The following NAA35 variants were observed in gnomAD, a reference collection of about 807,000 sequenced individuals.
NAA35 encodes the protein MAK10 homolog, amino-acid N-acetyltransferase subunit.
NAA35 carries 18 observed loss-of-function variants against 101.7 expected under a neutral mutation model. The ratio of observed to expected loss-of-function variants is 0.18; its 90% confidence interval spans 0.12 to 0.26. The LOEUF (loss-of-function observed/expected upper bound fraction) is 0.26. Among genes scored for constraint, NAA35 ranks in the 10% least tolerant of loss-of-function variants. The pLI is 1.00. For missense variants in NAA35, 601 were observed against 886.8 expected, an observed-to-expected ratio of 0.68 and a Z score of 4.09; for synonymous variants, 267 against 273.1, an observed-to-expected ratio of 0.98 and a Z score of 0.22.
At chr9:85,994,390 A>G (rs1318177316) in intron 11 of NAA35, among the ~76,000 whole-genome samples, 1 of 152,136 alleles carries the variant, frequency 6.6e-6, no homozygotes, top group Non-Finnish European at 1.5e-5. Flanking sequence ...CATACAAGTG[A>G]TATTATGCAA....
At chr9:85,996,207 A>G (rs1011768842) in intron 11 of NAA35, among the ~76,000 whole-genome samples, 192 bp from the exon 12 acceptor site, 1 of 152,176 alleles carries the variant, frequency 6.6e-6, no homozygotes, top group Non-Finnish European at 1.5e-5. Context: ...AGGTTATTAA[A>G]TCTACTTGTT....
chr9:85,978,396 T>A lies in NAA35; in HGVS notation c.877+15T>A. ...TACAAAAGGAGGTAATTGTTCAATTTGCTCCTACTCTTTCTTTTCTTCGTT... is the reference window on the plus strand; with the variant it reads ...TACAAAAGGAGGTAATTGTTCAATTAGCTCCTACTCTTTCTTTTCTTCGTT... On this transcript the variant is annotated intron_variant, in intron 11 of 22. Transcript: ENST00000361671. 6.7e-7 allele frequency: 1 copy of A among 1,483,846 alleles called. No homozygotes were observed. Among genetic ancestry groups the A allele is most frequent in the Non-Finnish European group, 9.4e-7 (1 of 1,061,588 alleles). 91.9% of individuals were successfully genotyped at this position (1,483,846 alleles called of 1,614,324 possible).
At position 86,011,911 on chromosome 9, in the gene NAA35, ATT is replaced by A. The variant is rs1491409899; in HGVS notation, c.1291-1134_1291-1133del. ...TATTATATGATATATATTAATATAT[ATT>A]ATATATCATATAATATATACTATAA... On this transcript the variant is annotated intron_variant, in intron 15 of 22. Coordinates refer to ENST00000361671, the MANE Select transcript of NAA35 (RefSeq NM_024635.4). 7.8e-5 allele frequency among the ~76,000 whole-genome samples: 11 copies of A among 141,276 alleles called. No homozygotes were observed. In the Admixed American group the frequency reaches 8.2e-4, roughly 11 times the overall value. The allele number at this position is 141,276 out of a possible 152,430, so 92.7% of individuals were successfully genotyped here.
rs563456145 is a variant in NAA35, at chr9:85,951,137, C to CAAAAA, written c.125-5212_125-5208dup. Among the ~76,000 whole-genome samples the CAAAAA allele has an allele frequency of 2.5e-3, 214 of 86,064 alleles. 1 individual carries two copies. The highest frequency in any genetic ancestry group is 5.2e-3 in the African/African-American group (125 of 24,126). 56.5% of individuals were successfully genotyped at this position (86,064 alleles called of 152,430 possible). ...GGGGCGACAGAGTGAGACTCCATCT[C>CAAAAA]AAAAAAAAAAAAAAATGATAACCCG... On this transcript the variant is annotated intron_variant, in intron 2 of 22. Transcript: ENST00000361671.
rs2118373019 is a variant in NAA35 at position 86,007,462 on chromosome 9, C to G, written c.1221C>G (p.Pro407=). 1.9e-6 allele frequency: 3 copies of G among 1,611,170 alleles called. No homozygotes were observed. In the East Asian group the frequency reaches 6.7e-5, roughly 36 times the overall value. ...RSFVSPPVLS[P]KCYLYNNHQA... is the part of the protein sequence containing the mutation. The stretch of plus-strand genomic sequence containing the variant: ...TTGTCAGTCCTCCGGTGCTTTCCCC[C>G]AAGTAAGTATTGTAAGACATTTTAG... The change falls in exon 14 of 23, where the codon CCC becomes CCG. Residue 407 remains proline (P), a splice_region_variant and synonymous_variant. Transcript: ENST00000361671.
chr9:86,017,517 G>T lies in NAA35; in HGVS notation c.1725G>T (p.Glu575Asp). Residue 575 changes from glutamate (E) to aspartate (D), a missense_variant, in exon 19 of 23, where the codon GAG becomes GAT. By Grantham distance (45) the Glu-to-Asp change is conservative. This residue lies in a region of NAA35 where 99 missense variants were observed against 206.7 expected (regional missense o/e 0.48). Transcript: ENST00000361671. ...TTACAGTTCGCCCATTGAGCCGAGA[G>T]ATCACAATGAGCCAAGCATATCAGA... is the stretch of plus-strand genomic sequence containing the variant. ...KKKKVRPLSR[E>D]ITMSQAYQNM... 6.2e-7 allele frequency: 1 copy of T among 1,613,816 alleles called. No individual in the cohort carries two copies. The highest frequency in any genetic ancestry group is 8.5e-7 in the Non-Finnish European group (1 of 1,179,812).
At chr9:85,970,737 TG>T (rs35717720) in intron 6 of NAA35, among the ~76,000 whole-genome samples, 6,266 of 152,292 alleles carry the variant, frequency 0.041, 405 homozygotes, top group East Asian at 0.33. Flanking sequence ...GTGTCAGATA[TG>T]AATGTTAAGG....
At position 85,972,469 on chromosome 9, in the gene NAA35, G is replaced by A. The variant is rs1039954824; in HGVS notation, c.517-2498G>A. Reference sequence around the variant, plus strand: ...GGAGGTTACAGTGAGCTAAGTTTGCGTCACTACACTCGAGCCTGGATGACA... The same window carrying A: ...GGAGGTTACAGTGAGCTAAGTTTGCATCACTACACTCGAGCCTGGATGACA... On this transcript the variant is annotated intron_variant, in intron 6 of 22. Transcript: ENST00000361671. Among the ~76,000 whole-genome samples, 5 of 133,630 alleles carry A rather than the reference G, an allele frequency of 3.7e-5. No individual in the cohort carries two copies. The East Asian group carries it at 7.4e-4, about 20-fold the overall frequency. The allele number at this position is 133,630 out of a possible 152,430, so 87.7% of individuals were successfully genotyped here.
At chr9:86,018,441 C>A in intron 20 of NAA35, 46 bp downstream of exon 20, 1 of 1,567,478 alleles carries the variant, frequency 6.4e-7, no homozygotes, top group Non-Finnish European at 8.7e-7. Context: ...AGTCTTAGAC[C>A]TTCTTAGAGA....
chr9:85,972,376 G>A (rs996027959), intron 6 of NAA35, among the ~76,000 whole-genome samples: 4 of 151,794 alleles, frequency 2.6e-5, no homozygotes, highest in African/African-American at 4.8e-5. Flanking sequence ...CGGTGTGGTG[G>A]TGCATGCCTG....
In NAA35 at chr9:86,022,787, T is replaced by C. The variant is rs1000663255; in HGVS notation, c.*827T>C. Among the ~76,000 whole-genome samples the C allele has an allele frequency of 2.6e-5, 4 of 152,192 alleles. No homozygotes were observed. The highest frequency in any genetic ancestry group is 9.7e-5 in the African/African-American group (4 of 41,448). ...GACTACATCCCCCTGTGCTTGCAAG[T>C]GCCTGCTGCCAGAGGCCCTCCCCTT... On this transcript the variant is annotated 3_prime_UTR_variant, in exon 23 of 23. Coordinates refer to ENST00000361671, the MANE Select transcript of NAA35 (RefSeq NM_024635.4).
At chr9:85,978,893 C>T (rs1460303618) in intron 11 of NAA35, among the ~76,000 whole-genome samples, 1 of 152,146 alleles carries the variant, frequency 6.6e-6, no homozygotes, top group Admixed American at 6.6e-5. Context: ...CCCATAGTTG[C>T]TTGGCCTACA....
At chr9:85,987,152 C>G (rs1830684468) in intron 11 of NAA35, 2 of 152,124 alleles carry the variant, frequency 1.3e-5, no homozygotes, top group Non-Finnish European at 2.9e-5. Context: ...GAAGAGACTG[C>G]CTCTGGGGAG....
In NAA35 at chr9:86,018,815, C is replaced by T. The variant is rs777972634; in HGVS notation, c.2031C>T (p.Asp677=). 3.1e-6 allele frequency: 5 copies of T among 1,613,200 alleles called. No homozygotes were observed. The South Asian group carries it at 3.3e-5, about 11-fold the overall frequency. Residue 677 remains aspartate, a synonymous_variant, in exon 21 of 23, where the codon GAC becomes GAT. Coordinates refer to ENST00000361671, the MANE Select transcript of NAA35 (RefSeq NM_024635.4). ...KMILENIPNP[D]HEVNRILKVA... ...TATTGGAAAATATTCCTAACCCGGA[C>T]CATGAGGTGAGACTGGATTCACAGT...
intron 11 of NAA35, among the ~76,000 whole-genome samples, chr9:85,981,825 A>G (rs1830451405): frequency 6.6e-6 from 1 of 152,186 alleles, no homozygotes; most frequent in Admixed American, 6.5e-5. Context: ...CTTAATGTCT[A>G]TTCTAGTAGA....
chr9:85,949,978 C>G (rs527285520), intron 2 of NAA35, among the ~76,000 whole-genome samples: 1 of 151,960 alleles, frequency 6.6e-6, no homozygotes, highest in Non-Finnish European at 1.5e-5. Context: ...TGTTAGTATA[C>G]GGTGGAATTT....
At chr9:85,974,087 G>T (rs1830114716) in intron 6 of NAA35, among the ~76,000 whole-genome samples, 1 of 152,006 alleles carries the variant, frequency 6.6e-6, no homozygotes, top group Non-Finnish European at 1.5e-5. Context: ...CTCCCAAATA[G>T]CTGGGATTAC....
chr9:85,969,761 G>T (rs1488773700), intron 6 of NAA35, among the ~76,000 whole-genome samples: 1 of 151,844 alleles, frequency 6.6e-6, no homozygotes, highest in Non-Finnish European at 1.5e-5. Flanking sequence ...GCCACTTGAG[G>T]CTGAGGCAGG....
At chr9:85,985,639 G>C in intron 11 of NAA35, among the ~76,000 whole-genome samples, 1 of 152,108 alleles carries the variant, frequency 6.6e-6, no homozygotes, top group African/African-American at 2.4e-5. Context: ...TTCTTCGTGG[G>C]TGATGAAAAT....
Sources: allele counts gnomAD v4.1 joint callset (sites outside exome capture counted in the v4.1 genomes callset), GRCh38; gene constraint gnomAD v4.1.1; regional missense constraint gnomAD v4.1.1; transcripts MANE v1.5; gene names NCBI Gene and HGNC (gene_info 2026-07-23, HGNC 2026-07-21).